ANKFY1: variants seen among roughly 807,000 people sequenced by gnomAD.
ANKFY1 encodes the protein ankyrin repeat and FYVE domain-containing protein 1.
In ANKFY1, 47 loss-of-function variants were observed where a neutral mutation model predicts 128.3. The observed-to-expected ratio is 0.37, with a 90% CI of 0.29 to 0.47. The LOEUF (loss-of-function observed/expected upper bound fraction) is 0.47. Ranked by LOEUF, ANKFY1 falls within the 20% of genes least tolerant of loss-of-function variation. The pLI is 1.00. For synonymous variants in ANKFY1, 553 were observed against 601.6 expected, an observed-to-expected ratio of 0.92 and a Z score of 1.18; for missense variants, 1,222 against 1,510.6, an observed-to-expected ratio of 0.81 and a Z score of 3.17.
intron 10 of ANKFY1, among the ~76,000 whole-genome samples, chr17:4,193,970 C>T (rs1162417800): frequency 5.3e-5 from 8 of 150,732 alleles, no homozygotes; most frequent in Non-Finnish European, 1.2e-4. Context: ...GTTGGCCTGG[C>T]TGATCTGGAA....
At chr17:4,238,357 C>T (rs963653033) in intron 2 of ANKFY1, among the ~76,000 whole-genome samples, 1 of 152,036 alleles carries the variant, frequency 6.6e-6, no homozygotes, top group Non-Finnish European at 1.5e-5. Context: ...AAACTGATTC[C>T]TCAGTTTCAG....
At chr17:4,241,372 C>T (rs1446022508) in intron 2 of ANKFY1, among the ~76,000 whole-genome samples, 6 of 148,970 alleles carry the variant, frequency 4.0e-5, no homozygotes, top group Admixed American at 2.1e-4. Flanking sequence ...CTCCATCTCC[C>T]GGGTTTACGC....
chr17:4,219,169 C>T (rs1041520121), intron 3 of ANKFY1, among the ~76,000 whole-genome samples: 2 of 152,096 alleles, frequency 1.3e-5, no homozygotes, highest in African/African-American at 4.8e-5. Context: ...AAAATAAAGA[C>T]TGTACAGCAA....
Position 4,195,438 on chromosome 17 carries a change from A to G in ANKFY1, c.1137T>C (p.Asn379=), listed in dbSNP as rs2059800241. 5 of 1,614,138 alleles carry G rather than the reference A, an allele frequency of 3.1e-6. No individual in the cohort carries two copies. Among genetic ancestry groups the G allele is most frequent in the Non-Finnish European group, 4.2e-6 (5 of 1,180,028 alleles). The change falls in exon 9 of 25, where the codon AAT becomes AAC. Residue 379 remains asparagine, a synonymous_variant. Transcript: ENST00000341657. ...GCAGCAGCTGACTGAACACATATTCATTCCCGGCCATGATGGACACATGTA... is the reference window on the plus strand; with the variant it reads ...GCAGCAGCTGACTGAACACATATTCGTTCCCGGCCATGATGGACACATGTA... ...TPLHVSIMAG[N]EYVFSQLLQC...
At chr17:4,247,447 AG>A (rs1177425801) in intron 1 of ANKFY1, among the ~76,000 whole-genome samples, 1 of 152,182 alleles carries the variant, frequency 6.6e-6, no homozygotes, top group Non-Finnish European at 1.5e-5. Flanking sequence ...TGGGGCTCTT[AG>A]TCACAAAATT....
At chr17:4,203,763 C>G (rs1057087815) in intron 7 of ANKFY1, among the ~76,000 whole-genome samples, 1 of 142,646 alleles carries the variant, frequency 7.0e-6, no homozygotes, top group African/African-American at 2.6e-5. Context: ...TGCAGTGAGC[C>G]GAGACCGAGC....
intron 19 of ANKFY1, 40 bp downstream of exon 19, chr17:4,177,086 G>T: frequency 6.7e-7 from 1 of 1,502,068 alleles, no homozygotes; most frequent in South Asian, 1.4e-5. Context: ...AATATGCTTT[G>T]ACAACATATT....
Position 4,210,002 on chromosome 17 carries a change from A to C in ANKFY1, c.459-55T>G, listed in dbSNP as rs1555631602. ...TTACTGGACAAATAATTCACAAACG[A>C]ACAAACCAAAGCGATCATCTTTGTA... is the stretch of plus-strand genomic sequence containing the variant. On this transcript the variant is annotated intron_variant, in intron 4 of 24. Coordinates refer to ENST00000341657, the MANE Select transcript of ANKFY1 (RefSeq NM_001330063.2). 15 of 1,556,834 alleles carry C rather than the reference A, an allele frequency of 9.6e-6. No homozygotes were observed. In the South Asian group the frequency reaches 1.7e-4, roughly 18 times the overall value.
At chr17:4,193,419 CTTTTTTTTTTTT>C (rs34747890) in intron 10 of ANKFY1, among the ~76,000 whole-genome samples, 12 of 108,268 alleles carry the variant, frequency 1.1e-4, no homozygotes, top group South Asian at 2.8e-4. Flanking sequence ...CCAGTCGACT[CTTTTTTTTTTTT>C]TTTTTTTTTT....
intron 6 of ANKFY1, 50 bp downstream of exon 6, chr17:4,207,883 A>G: frequency 6.6e-7 from 1 of 1,508,066 alleles, no homozygotes; most frequent in Admixed American, 2.3e-5. Flanking sequence ...GAGAAAGACA[A>G]GTGCATTAGA....
In ANKFY1 at chr17:4,174,091, C is replaced by T. The variant is rs749699330; in HGVS notation, c.2776-35G>A. 2.5e-6 allele frequency: 4 copies of T among 1,606,064 alleles called. No individual in the cohort carries two copies. In the African/African-American group the frequency reaches 4.0e-5, roughly 16 times the overall value. The stretch of plus-strand genomic sequence containing the variant: ...TTCATTACATGAACAGTCAGTCTCT[C>T]TGCCACAATCAAGATCCCCCTTATG... On this transcript the variant is annotated intron_variant, in intron 19 of 24. Transcript: ENST00000341657.
At chr17:4,219,627 A>G (rs1323701550) in intron 3 of ANKFY1, among the ~76,000 whole-genome samples, 1 of 152,130 alleles carries the variant, frequency 6.6e-6, no homozygotes, top group African/African-American at 2.4e-5. Context: ...TGAAGGGGGC[A>G]ATGTCAAGTG....
chr17:4,200,699 C>A (rs2059912159), intron 7 of ANKFY1, among the ~76,000 whole-genome samples: 1 of 152,212 alleles, frequency 6.6e-6, no homozygotes, highest in Non-Finnish European at 1.5e-5. Context: ...CTTGGAACTT[C>A]TTTAATTTAT....
intron 22 of ANKFY1, among the ~76,000 whole-genome samples, chr17:4,172,245 A>C (rs550687609): frequency 7.1e-4 from 108 of 152,292 alleles, no homozygotes; most frequent in Admixed American, 1.6e-3. Flanking sequence ...CTCTGCTAGA[A>C]TTTGGGAGCT....
At chr17:4,252,151 G>T (rs545680942) in intron 1 of ANKFY1, among the ~76,000 whole-genome samples, 41 of 151,936 alleles carry the variant, frequency 2.7e-4, no homozygotes, top group South Asian at 2.1e-3. Flanking sequence ...CAAGATAAAT[G>T]TACAGTAAAT....
intron 11 of ANKFY1, among the ~76,000 whole-genome samples, chr17:4,185,478 C>T (rs1695422037): frequency 6.6e-6 from 1 of 152,140 alleles, no homozygotes; most frequent in African/African-American, 2.4e-5. Context: ...GCTGGGATTA[C>T]AAGCGTGAGC....
At chr17:4,188,076 G>A (rs538619544) in intron 11 of ANKFY1, 30 of 152,560 alleles carry the variant, frequency 2.0e-4, no homozygotes, top group African/African-American at 7.0e-4. Flanking sequence ...GACACACGAT[G>A]GCAAGAGCAG....
intron 11 of ANKFY1, among the ~76,000 whole-genome samples, chr17:4,185,854 C>T (rs889024833): frequency 7.2e-5 from 11 of 152,166 alleles, no homozygotes; most frequent in South Asian, 2.1e-4. Context: ...AGCCCCCGCC[C>T]GGACCTAAGC....
chr17:4,203,218 C>G (rs184245482), intron 7 of ANKFY1, among the ~76,000 whole-genome samples: 343 of 152,196 alleles, frequency 2.3e-3, no homozygotes, highest in African/African-American at 7.9e-3. Context: ...TTCAAATCAT[C>G]AGAAACAGTT....
Sources: gnomAD v4.1 joint callset for allele counts (sites outside exome capture counted in the v4.1 genomes callset) on GRCh38, gnomAD v4.1.1 for gene constraint, MANE v1.5 for transcripts, NCBI Gene and HGNC (gene_info 2026-07-23, HGNC 2026-07-21) for gene names.